The following GRHL2 variants were observed in gnomAD, a reference collection of about 807,000 sequenced individuals.
GRHL2 encodes the protein grainyhead-like protein 2 homolog.
A neutral mutation model predicts 83.8 loss-of-function variants in GRHL2; 21 were observed. That is an observed-to-expected ratio of 0.25 (90% CI 0.18 to 0.36). The LOEUF is 0.36. Ranked by LOEUF, GRHL2 falls within the 10% of genes least tolerant of loss-of-function variation. The pLI, the probability that GRHL2 is intolerant of heterozygous loss-of-function variation, is 1.00. For missense variants in GRHL2, 623 were observed against 781.8 expected, an observed-to-expected ratio of 0.80 and a Z score of 2.42; for synonymous variants, 280 against 278.9, an observed-to-expected ratio of 1.00 and a Z score of -0.04.
At chr8:101,552,436 T>C (rs1811403104) in intron 2 of GRHL2, among the ~76,000 whole-genome samples, 1 of 152,222 alleles carries the variant, frequency 6.6e-6, no homozygotes, top group South Asian at 2.1e-4. Flanking sequence ...GGGGAGCGCA[T>C]GAGAGGTGCT....
At chr8:101,629,804 C>T (rs558307101) in intron 9 of GRHL2, among the ~76,000 whole-genome samples, 5 of 152,174 alleles carry the variant, frequency 3.3e-5, no homozygotes, top group African/African-American at 4.8e-5. Context: ...AATTGAAGAT[C>T]GTATCTGCGC....
chr8:101,604,019 C>CAAAAAAA (rs541635465), intron 8 of GRHL2, among the ~76,000 whole-genome samples: 3 of 91,796 alleles, frequency 3.3e-5, no homozygotes, highest in East Asian at 6.1e-4. Flanking sequence ...TTTTTTTTTG[C>CAAAAAAA]AAAAAAAAAA....
intron 1 of GRHL2, among the ~76,000 whole-genome samples, chr8:101,521,673 T>C (rs1810687054): frequency 6.6e-6 from 1 of 152,232 alleles, no homozygotes; most frequent in African/African-American, 2.4e-5. Context: ...TCATGGTTTT[T>C]AAGTAGCAGT....
At chr8:101,539,182 A>G (rs530041551) in intron 1 of GRHL2, among the ~76,000 whole-genome samples, 64 of 152,304 alleles carry the variant, frequency 4.2e-4, no homozygotes, top group African/African-American at 1.5e-3. Flanking sequence ...GCTTCCTGCT[A>G]AACTTTTGGA....
At chr8:101,571,345 G>T (rs1811816899) in intron 5 of GRHL2, among the ~76,000 whole-genome samples, 1 of 152,094 alleles carries the variant, frequency 6.6e-6, no homozygotes, top group Non-Finnish European at 1.5e-5. Context: ...CCTTGGTTAT[G>T]ATCATGTCTG....
rs1223452602 is a variant in GRHL2, at chr8:101,636,944, C to G, written c.1517+16C>G. The G allele has an allele frequency of 6.2e-7, 1 of 1,611,694 alleles. No individual in the cohort carries two copies. Among genetic ancestry groups the G allele is most frequent in the Non-Finnish European group, 8.5e-7 (1 of 1,177,956 alleles). Reference sequence around the variant, plus strand: ...AACGAGAAGGGTAAGACACTCAGTTCTTTCATTTCAACACTCCAAGTCAGC... The same window carrying G: ...AACGAGAAGGGTAAGACACTCAGTTGTTTCATTTCAACACTCCAAGTCAGC... On this transcript the variant is annotated intron_variant, in intron 12 of 15. Transcript: ENST00000646743.
intron 1 of GRHL2, among the ~76,000 whole-genome samples, chr8:101,521,440 G>T (rs545677727): frequency 1.1e-4 from 16 of 152,332 alleles, no homozygotes; most frequent in African/African-American, 3.8e-4. Context: ...GTTGTGAGGT[G>T]CTCCTGGCTA....
chr8:101,595,527 G>A (rs1812374483), intron 7 of GRHL2, among the ~76,000 whole-genome samples: 1 of 152,084 alleles, frequency 6.6e-6, no homozygotes, highest in Non-Finnish European at 1.5e-5. Flanking sequence ...AGAATAATTA[G>A]CTATAAAGAA....
chr8:101,562,028 C>T (rs1384084979), intron 4 of GRHL2: 2 of 788,808 alleles, frequency 2.5e-6, no homozygotes, highest in East Asian at 2.8e-5. Context: ...TCCACATCCT[C>T]TTGTAACTGT....
intron 1 of GRHL2, among the ~76,000 whole-genome samples, chr8:101,514,154 C>T (rs1244716324): frequency 1.3e-5 from 2 of 152,170 alleles, no homozygotes; most frequent in Admixed American, 1.3e-4. Context: ...CATACATTTA[C>T]ATGCTCATAC....
intron 9 of GRHL2, among the ~76,000 whole-genome samples, chr8:101,627,751 G>T (rs1010940766): frequency 1.3e-5 from 2 of 152,122 alleles, no homozygotes; most frequent in Middle Eastern, 3.2e-3. Flanking sequence ...AATTAAAAGT[G>T]CTACTCCAGT....
At chr8:101,549,518 G>A (rs1379249022) in intron 2 of GRHL2, among the ~76,000 whole-genome samples, 1 of 152,216 alleles carries the variant, frequency 6.6e-6, no homozygotes, top group Non-Finnish European at 1.5e-5. Flanking sequence ...TCCAGGGGCA[G>A]GGGATGGGTT....
intron 1 of GRHL2, among the ~76,000 whole-genome samples, chr8:101,530,295 G>A (rs1016860840): frequency 2.6e-5 from 4 of 152,150 alleles, no homozygotes; most frequent in Non-Finnish European, 5.9e-5. Flanking sequence ...AAACATTAGA[G>A]GTAAACCCAT....
intron 15 of GRHL2, among the ~76,000 whole-genome samples, chr8:101,664,923 C>T (rs960487594): frequency 2.6e-5 from 4 of 152,052 alleles, no homozygotes; most frequent in African/African-American, 7.2e-5. Flanking sequence ...GGGGATTCCT[C>T]TAAGGTAATT....
At chr8:101,575,098 C>A (rs1242170282) in intron 6 of GRHL2, among the ~76,000 whole-genome samples, 1 of 152,146 alleles carries the variant, frequency 6.6e-6, no homozygotes. Context: ...GGGCTGAAGG[C>A]AGGGAAATGT....
chr8:101,562,693 T>A (rs977847042), intron 4 of GRHL2, among the ~76,000 whole-genome samples: 1 of 152,238 alleles, frequency 6.6e-6, no homozygotes, highest in African/African-American at 2.4e-5. Flanking sequence ...CAATTTGTGA[T>A]ATAATTGTTG....
At chr8:101,642,186 A>G (rs948342584) in intron 12 of GRHL2, among the ~76,000 whole-genome samples, 7 of 152,182 alleles carry the variant, frequency 4.6e-5, no homozygotes, top group African/African-American at 1.7e-4. Flanking sequence ...AAACAAATGA[A>G]ACAGTTGAAT....
intron 1 of GRHL2, among the ~76,000 whole-genome samples, chr8:101,498,626 G>T (rs1810157320): frequency 6.6e-6 from 1 of 152,116 alleles, no homozygotes; most frequent in Admixed American, 6.6e-5. Flanking sequence ...TACAGCGAGG[G>T]TCTGTTTTAA....
At chr8:101,647,709 G>A (rs1356242146) in intron 13 of GRHL2, among the ~76,000 whole-genome samples, 3 of 151,928 alleles carry the variant, frequency 2.0e-5, no homozygotes, top group Non-Finnish European at 2.9e-5. Context: ...GTAAAAAGAA[G>A]AGACTCGGCA....
Sources: gnomAD v4.1 joint callset for allele counts (sites outside exome capture counted in the v4.1 genomes callset) on GRCh38, gnomAD v4.1.1 for gene constraint, MANE v1.5 for transcripts, NCBI Gene and HGNC (gene_info 2026-07-23, HGNC 2026-07-21) for gene names.